Variants in SETD7 observed in about 807,000 individuals in gnomAD.
SETD7 encodes the protein SET domain containing 7, histone lysine methyltransferase.
SETD7 carries 16 observed loss-of-function variants against 41.8 expected under a neutral mutation model. The ratio of observed to expected loss-of-function variants is 0.38; its 90% CI spans 0.26 to 0.58. SETD7 has a LOEUF of 0.58. Among genes scored for constraint, SETD7 ranks in the 20% least tolerant of loss-of-function variants. The pLI is 0.64. For synonymous variants in SETD7, 163 were observed against 169.7 expected (o/e 0.96, Z 0.31); for missense variants, 346 against 459.7 (o/e 0.75, Z 2.26).
rs574854693 is a variant in SETD7, at chr4:139,537,990, C to T, written c.171-4624G>A. Among the ~76,000 whole-genome samples, 4 of 152,230 alleles carry T rather than the reference C, an allele frequency of 2.6e-5. No individual in the cohort carries two copies. In the South Asian group the frequency reaches 8.3e-4, roughly 32 times the overall value. The stretch of plus-strand genomic sequence containing the variant: ...ATAAAGAGCAGCTATTATTATTAAA[C>T]ATGCATATTCATGTGTATGATGGCA... On this transcript the variant is annotated intron_variant, in intron 2 of 7. Transcript: ENST00000274031.
At chr4:139,494,208 T>A (rs1726413927), downstream of SETD7, among the ~76,000 whole-genome samples, 1 of 152,116 alleles carries the variant, frequency 6.6e-6, no homozygotes, top group Non-Finnish European at 1.5e-5. Flanking sequence ...AGGGGGAGGA[T>A]GGTTAAAGAG....
At chr4:139,531,563 C>T (rs1017642821) in intron 3 of SETD7, among the ~76,000 whole-genome samples, 19 of 152,176 alleles carry the variant, frequency 1.2e-4, no homozygotes, top group Non-Finnish European at 2.1e-4. Context: ...CTAAGCAGTA[C>T]GTGTTACAAC....
intron 2 of SETD7, among the ~76,000 whole-genome samples, chr4:139,542,403 T>C (rs368937318): frequency 1.3e-5 from 2 of 152,226 alleles, no homozygotes; most frequent in Admixed American, 6.5e-5. Context: ...ATTTTGAATG[T>C]TCTCACCAGA....
At chr4:139,495,063 G>A (rs1055007146), downstream of SETD7, among the ~76,000 whole-genome samples, 5 of 152,216 alleles carry the variant, frequency 3.3e-5, no homozygotes, top group African/African-American at 7.2e-5. Context: ...CCAGATTAAT[G>A]CACAATCTCT....
intron 3 of SETD7, among the ~76,000 whole-genome samples, chr4:139,530,419 C>A (rs1260044763): frequency 2.7e-5 from 4 of 146,172 alleles, no homozygotes; most frequent in African/African-American, 1.0e-4. Context: ...TGAATCATGG[C>A]ACTTACATAG....
intron 2 of SETD7, among the ~76,000 whole-genome samples, chr4:139,534,842 G>C (rs2111156296): frequency 6.6e-6 from 1 of 152,294 alleles, no homozygotes; most frequent in Non-Finnish European, 1.5e-5. Context: ...GTCTGGTAAA[G>C]TCTTGACTTA....
At chr4:139,499,409 T>C (rs1726526394) in intron 7 of SETD7, among the ~76,000 whole-genome samples, 1 of 152,352 alleles carries the variant, frequency 6.6e-6, no homozygotes, top group South Asian at 2.1e-4. Context: ...GTAAGTTGCT[T>C]ACTGCCCCAG....
downstream of SETD7, among the ~76,000 whole-genome samples, chr4:139,501,443 G>A (rs1211310350): frequency 6.6e-6 from 1 of 151,372 alleles, no homozygotes. Flanking sequence ...GGGGGAGGGT[G>A]GGAGGGAGCT....
chr4:139,540,781 A>G (rs1194313063), intron 2 of SETD7, among the ~76,000 whole-genome samples: 1 of 152,236 alleles, frequency 6.6e-6, no homozygotes, highest in Non-Finnish European at 1.5e-5. Context: ...GGTTCCAACA[A>G]AAGCTAGAGG....
chr4:139,518,159 A>C, intron 6 of SETD7, 117 bp from the exon 7 acceptor site: 1 of 1,156,132 alleles, frequency 8.6e-7, no homozygotes, highest in Middle Eastern at 2.6e-4. Context: ...ACAGGGTCTC[A>C]CTCTGTCACC....
intron 7 of SETD7, among the ~76,000 whole-genome samples, chr4:139,499,410 A>T (rs1726526448): frequency 6.6e-6 from 1 of 152,238 alleles, no homozygotes; most frequent in Non-Finnish European, 1.5e-5. Context: ...TAAGTTGCTT[A>T]CTGCCCCAGA....
At chr4:139,503,185 A>G (rs1455691642), downstream of SETD7, among the ~76,000 whole-genome samples, 1 of 149,962 alleles carries the variant, frequency 6.7e-6, no homozygotes. Context: ...CTCAGAAAAA[A>G]AAAAAAAAAA....
chr4:139,556,139 GC>G lies in SETD7; in HGVS notation c.-3del. ...CACCATCTCGTCGTCGCTATCCATG[GC>G]GGCTGGGGACACTGCCCAGCTCGGG... On this transcript the variant is annotated 5_prime_UTR_variant, in exon 1 of 8. Transcript: ENST00000274031. The G allele has an allele frequency of 1.3e-6, 2 of 1,597,594 alleles. No homozygotes were observed. The highest frequency in any genetic ancestry group is 4.6e-5 in the East Asian group (2 of 43,148).
chr4:139,540,825 T>C (rs1484367070), intron 2 of SETD7, among the ~76,000 whole-genome samples: 1 of 152,196 alleles, frequency 6.6e-6, no homozygotes, highest in Admixed American at 6.5e-5. Context: ...TTTTGCCGCA[T>C]GTGGGAGGTT....
chr4:139,532,559 C>G (rs1486491703), intron 3 of SETD7: 1 of 152,376 alleles, frequency 6.6e-6, no homozygotes, highest in Non-Finnish European at 1.5e-5. Flanking sequence ...AAAATTAGAG[C>G]ATTAATTTCC....
chr4:139,509,763 G>GT lies in SETD7; in HGVS notation c.*1899dup. 5 of 985,478 alleles carry GT rather than the reference G, an allele frequency of 5.1e-6. No homozygotes were observed. The highest frequency in any genetic ancestry group is 6.0e-6 in the Non-Finnish European group (5 of 829,942). The allele number at this position is 985,478 out of a possible 1,614,324, so 61.0% of individuals were successfully genotyped here. ...GTATAGAACGGTCTCTTTCTACAGA[G>GT]TAAGAGTGACCCTATCCTGGTGCCT... On this transcript the variant is annotated 3_prime_UTR_variant, in exon 8 of 8. Transcript: ENST00000274031.
chr4:139,524,564 G>A (rs1727270250), intron 4 of SETD7, among the ~76,000 whole-genome samples: 1 of 152,208 alleles, frequency 6.6e-6, no homozygotes, highest in Admixed American at 6.5e-5. Flanking sequence ...GCCACTGCTG[G>A]AGATGCTGGT....
intron 2 of SETD7, among the ~76,000 whole-genome samples, chr4:139,541,464 C>A (rs1469444817): frequency 6.6e-6 from 1 of 151,786 alleles, no homozygotes; most frequent in Non-Finnish European, 1.5e-5. Flanking sequence ...GGGTACCAGA[C>A]AGACTCCAGA....
downstream of SETD7, among the ~76,000 whole-genome samples, chr4:139,505,072 C>T (rs1181151675): frequency 6.6e-6 from 1 of 152,100 alleles, no homozygotes; most frequent in Non-Finnish European, 1.5e-5. Context: ...TTTCTGTTTC[C>T]TTCCTTCCAT....
Sources: allele counts gnomAD v4.1 joint callset (sites outside exome capture counted in the v4.1 genomes callset), GRCh38; gene constraint gnomAD v4.1.1; transcripts MANE v1.5; gene names NCBI Gene and HGNC (gene_info 2026-07-23, HGNC 2026-07-21).